The following IL1RAPL2 variants were observed in gnomAD, a reference collection of about 807,000 sequenced individuals.
The protein encoded by IL1RAPL2 is X-linked interleukin-1 receptor accessory protein-like 2.
IL1RAPL2 carries 3 observed loss-of-function variants against 44.1 expected under a neutral mutation model. That is an observed-to-expected ratio of 0.07 (90% CI 0.03 to 0.18). IL1RAPL2 has a LOEUF of 0.18. IL1RAPL2 is among the 10% of genes least tolerant of loss of function. IL1RAPL2 has a pLI of 1.00. For synonymous variants in IL1RAPL2, 181 were observed against 178.8 expected (o/e 1.01, Z -0.10); for missense variants, 391 against 496.4 (o/e 0.79, Z 2.02).
chrX:104,932,279 G>A (rs988806961), intron 2 of IL1RAPL2, among the ~76,000 whole-genome samples: 13 of 110,130 alleles, frequency 1.2e-4, no homozygotes, highest in Non-Finnish European at 2.1e-4. Flanking sequence ...GATTACAGGC[G>A]TGAGCCACCG....
chrX:105,420,199 A>G (rs1569438351), intron 5 of IL1RAPL2, among the ~76,000 whole-genome samples: 1 of 111,445 alleles, frequency 9.0e-6, no homozygotes, highest in South Asian at 3.8e-4. Context: ...TTTTGAAAAT[A>G]TAGTGTTAGG....
Position 104,922,013 on chromosome X carries a change from A to G in IL1RAPL2, c.82+263018A>G, listed in dbSNP as rs142748159. ...CCACCCCCCACTGGAGGGTTGTCCC[A>G]GTAGCCCGAGAGCAGCCCCTAGACC... On this transcript the variant is annotated intron_variant, in intron 2 of 10. Transcript: ENST00000372582. Among the ~76,000 whole-genome samples the G allele has an allele frequency of 3.7e-4, 41 of 112,223 alleles. 1 individual carries two copies. In the East Asian group the frequency reaches 0.011, roughly 30 times the overall value.
At position 105,717,464 on chromosome X, in the gene IL1RAPL2, A is replaced by G; in HGVS notation, c.870A>G (p.Glu290=). 2 of 1,205,610 alleles carry G rather than the reference A, an allele frequency of 1.7e-6. No homozygotes were observed. Among genetic ancestry groups the G allele is most frequent in the Non-Finnish European group, 2.2e-6 (2 of 891,343 alleles). Reference sequence around the variant, plus strand: ...TGAAAGGAGAAAAGTTTATTGAAGAACTGGCAGGTCACATTAGAGAAGGTG... The same window carrying G: ...TGAAAGGAGAAAAGTTTATTGAAGAGCTGGCAGGTCACATTAGAGAAGGTG... The part of the protein sequence containing the change: ...YWMKGEKFIE[E]LAGHIREGEI... The change falls in exon 7 of 11, where the codon GAA becomes GAG. Residue 290 remains glutamate (E), a synonymous_variant. Coordinates refer to ENST00000372582, the MANE Select transcript of IL1RAPL2 (RefSeq NM_017416.2).
intron 2 of IL1RAPL2, among the ~76,000 whole-genome samples, chrX:104,950,887 GT>G (rs368573697): frequency 2.3e-4 from 26 of 110,722 alleles, no homozygotes; most frequent in African/African-American, 7.9e-4. Context: ...CTGGTGCGCT[GT>G]TTTTTAAGCC....
At chrX:104,959,633 G>A (rs957485849) in intron 2 of IL1RAPL2, among the ~76,000 whole-genome samples, 5 of 111,356 alleles carry the variant, frequency 4.5e-5, no homozygotes, top group African/African-American at 1.6e-4. Context: ...TGGCATTTGA[G>A]GGTACCAATT....
intron 2 of IL1RAPL2, among the ~76,000 whole-genome samples, chrX:104,939,946 A>G (rs1317644288): frequency 9.0e-6 from 1 of 111,556 alleles, no homozygotes; most frequent in Non-Finnish European, 1.9e-5. Context: ...GGGAGGTGGG[A>G]GGGTAGGGCT....
At chrX:105,467,064 C>T (rs1414750024) in intron 5 of IL1RAPL2, among the ~76,000 whole-genome samples, 3 of 111,502 alleles carry the variant, frequency 2.7e-5, no homozygotes, top group African/African-American at 9.8e-5. Flanking sequence ...AAGGTCTCAC[C>T]TCTCAACACT....
chrX:105,583,385 C>T (rs896867157), intron 6 of IL1RAPL2, among the ~76,000 whole-genome samples: 2 of 111,243 alleles, frequency 1.8e-5, no homozygotes, highest in Non-Finnish European at 3.8e-5. Flanking sequence ...CCCCCTGCCT[C>T]GGCCTCCCAA....
Position 104,761,845 on chromosome X carries a change from TCTTCTC to T in IL1RAPL2, c.82+102928_82+102933del, listed in dbSNP as rs1307424877. ...TCCTTCTCCTTCTTCTCCTTCTCCTTCTTCTCCTTCTCCTTCTCCTTCTCCTTCTCC... is the reference window on the plus strand; with the variant it reads ...TCCTTCTCCTTCTTCTCCTTCTCCTTCTTCTCCTTCTCCTTCTCCTTCTCC... On this transcript the variant is annotated intron_variant, in intron 2 of 10. Transcript: ENST00000372582. Among the ~76,000 whole-genome samples the T allele has an allele frequency of 3.3e-3, 179 of 53,776 alleles. 2 individuals are homozygous for T. The highest frequency in any genetic ancestry group is 8.8e-3 in the Middle Eastern group (1 of 113). The allele number at this position is 53,776 out of a possible 115,157, so 46.7% of individuals were successfully genotyped here. A position where few individuals can be genotyped will look rare whatever the true frequency, so the allele number is the denominator to read the frequency against.
At chrX:105,335,248 A>C (rs2049474076) in intron 5 of IL1RAPL2, among the ~76,000 whole-genome samples, 1 of 111,625 alleles carries the variant, frequency 9.0e-6, no homozygotes. Flanking sequence ...GATTAGGTAC[A>C]CCATAGCTGT....
chrX:105,270,271 T>C (rs1345250221), intron 5 of IL1RAPL2, among the ~76,000 whole-genome samples: 2 of 111,721 alleles, frequency 1.8e-5, no homozygotes, highest in African/African-American at 3.3e-5. Context: ...TTTGATTATT[T>C]TGTGAGTATG....
intron 6 of IL1RAPL2, among the ~76,000 whole-genome samples, chrX:105,604,688 G>A (rs191162648): frequency 3.2e-4 from 35 of 110,475 alleles, no homozygotes; most frequent in African/African-American, 1.0e-3. Context: ...AGACAAGGAC[G>A]CATGCACACA....
intron 2 of IL1RAPL2, among the ~76,000 whole-genome samples, chrX:104,745,103 G>A (rs1487614041): frequency 9.0e-6 from 1 of 111,050 alleles, no homozygotes; most frequent in Non-Finnish European, 1.9e-5. Flanking sequence ...GGTGTACTTT[G>A]GGATAGTGTG....
rs1270843029 is a variant in IL1RAPL2 at position 105,026,502 on chromosome X, C to T, written c.83-168973C>T. The stretch of plus-strand genomic sequence containing the variant: ...AGAACTGATAAATTCAGTAAAGCTG[C>T]AGGATACAAAATCAATATTTTAAAA... On this transcript the variant is annotated intron_variant, in intron 2 of 10. Coordinates refer to ENST00000372582, the MANE Select transcript of IL1RAPL2 (RefSeq NM_017416.2). Among the ~76,000 whole-genome samples, 6 of 110,560 alleles carry T rather than the reference C, an allele frequency of 5.4e-5. No individual in the cohort carries two copies. The Admixed American group carries it at 5.8e-4, about 11-fold the overall frequency.
intron 5 of IL1RAPL2, among the ~76,000 whole-genome samples, chrX:105,310,849 T>TA (rs1257344676): frequency 5.4e-5 from 6 of 111,881 alleles, no homozygotes; most frequent in African/African-American, 1.9e-4. Flanking sequence ...GTGTAATTTA[T>TA]TGGGACATAT....
At chrX:104,654,708 A>G (rs1930220237) in intron 1 of IL1RAPL2, among the ~76,000 whole-genome samples, 1 of 111,492 alleles carries the variant, frequency 9.0e-6, no homozygotes, top group Admixed American at 9.5e-5. Flanking sequence ...AATTCCGTGA[A>G]GAAAGTCATT....
At position 104,909,938 on chromosome X, in the gene IL1RAPL2, G is replaced by A. The variant is rs994750333; in HGVS notation, c.82+250943G>A. Among the ~76,000 whole-genome samples the A allele has an allele frequency of 1.8e-5, 2 of 112,349 alleles. 1 individual carries two copies. The highest frequency in any genetic ancestry group is 6.5e-5 in the African/African-American group (2 of 30,983). ...TAAGCAAGCCTGGGTAATGGTGGGC[G>A]CCCCTCCGCCAGCCTCGCTGACGCC... On this transcript the variant is annotated intron_variant, in intron 2 of 10. Transcript: ENST00000372582.
intron 2 of IL1RAPL2, among the ~76,000 whole-genome samples, chrX:104,721,915 G>A (rs1397375605): frequency 9.0e-6 from 1 of 111,418 alleles, no homozygotes; most frequent in Non-Finnish European, 1.9e-5. Context: ...GAATTGGAGT[G>A]TACTTTCATT....
At chrX:104,639,127 T>A (rs778695630) in intron 1 of IL1RAPL2, among the ~76,000 whole-genome samples, 17 of 112,262 alleles carry the variant, frequency 1.5e-4, no homozygotes, top group South Asian at 3.7e-4. Context: ...GTCTTTTTTT[T>A]AACTACTTTT....
Sources: allele counts gnomAD v4.1 joint callset (sites outside exome capture counted in the v4.1 genomes callset), GRCh38; gene constraint gnomAD v4.1.1; transcripts MANE v1.5; gene names NCBI Gene and HGNC (gene_info 2026-07-23, HGNC 2026-07-21).